IL4R: variants seen among roughly 807,000 people sequenced by gnomAD.
IL4R encodes the protein interleukin 4 receptor.
IL4R carries 17 observed loss-of-function variants against 41.5 expected under a neutral mutation model. That is an observed-to-expected ratio of 0.41 (90% CI 0.28 to 0.61). The LOEUF (loss-of-function observed/expected upper bound fraction) is 0.61, where lower values mean the gene tolerates loss of function less well. IL4R is among the 20% of genes least tolerant of loss of function. IL4R has a pLI of 0.31. For missense variants in IL4R, 974 were observed against 1,043.1 expected (o/e 0.93, Z 0.91); for synonymous variants, 402 against 422.9 (o/e 0.95, Z 0.61).
chr16:27,346,701 G>A, intron 6 of IL4R, 83 bp downstream of exon 6: 1 of 1,464,830 alleles, frequency 6.8e-7, no homozygotes, highest in Non-Finnish European at 9.4e-7. Flanking sequence ...CCTGGAGCCA[G>A]GAGCCTGGGA....
intron 2 of IL4R, among the ~76,000 whole-genome samples, chr16:27,331,654 A>G (rs955146800): frequency 6.6e-6 from 1 of 152,070 alleles, no homozygotes; most frequent in East Asian, 1.9e-4. Flanking sequence ...AGGGATGCCA[A>G]GTTGTGGTTG....
chr16:27,356,658 G>A (rs1344651098), intron 8 of IL4R, among the ~76,000 whole-genome samples: 1 of 152,118 alleles, frequency 6.6e-6, no homozygotes, highest in Non-Finnish European at 1.5e-5. Context: ...AACGCTGGGT[G>A]CCTGGGCAAC....
chr16:27,336,811 G>T (rs1279550047), intron 2 of IL4R, among the ~76,000 whole-genome samples: 1 of 151,904 alleles, frequency 6.6e-6, no homozygotes, highest in African/African-American at 2.4e-5. Context: ...GGGCTCAGTG[G>T]CTCACGCCTG....
intron 1 of IL4R, chr16:27,318,811 G>T (rs910624870): frequency 3.9e-5 from 6 of 152,354 alleles, no homozygotes; most frequent in African/African-American, 1.4e-4. Flanking sequence ...CCTTCCAAGG[G>T]TTTGGTGGAA....
Position 27,363,797 on chromosome 16 carries a change from C to G in IL4R, c.2445C>G (p.Val815=). The G allele has an allele frequency of 6.2e-7, 1 of 1,607,176 alleles. No individual in the cohort carries two copies. Among genetic ancestry groups the G allele is most frequent in the Non-Finnish European group, 8.5e-7 (1 of 1,179,946 alleles). Residue 815 remains valine (V), a synonymous_variant, in exon 11 of 11, where the codon GTC becomes GTG. Coordinates refer to ENST00000395762, the MANE Select transcript of IL4R (RefSeq NM_000418.4). ...SSQTPKIVNF[V]SVGPTYMRVS is the part of the protein sequence containing the mutation. ...AGACCCCCAAAATCGTGAACTTTGT[C>G]TCCGTGGGACCCACATACATGAGGG...
intron 1 of IL4R, among the ~76,000 whole-genome samples, chr16:27,329,241 G>A (rs897112399): frequency 2.0e-5 from 3 of 152,006 alleles, no homozygotes; most frequent in Middle Eastern, 3.2e-3. Flanking sequence ...AAGTAGATAC[G>A]GGTGCTATGC....
At chr16:27,354,931 A>G (rs529399479) in intron 7 of IL4R, 1 of 434,492 alleles carries the variant, frequency 2.3e-6, no homozygotes, top group Non-Finnish European at 5.0e-6. Context: ...AAAGTTTTGA[A>G]TTGATTCTCA....
At position 27,361,636 on chromosome 16, in the gene IL4R, C is replaced by T. The variant is rs114295158; in HGVS notation, c.900-616C>T. On this transcript the variant is annotated intron_variant, in intron 10 of 10. Transcript: ENST00000395762. ...TTTTTTTTTTTTTTTTTTTTTTGGACGCAGGGTCTTGCTGTGTCCCTCAGG... is the reference window on the plus strand; with the variant it reads ...TTTTTTTTTTTTTTTTTTTTTTGGATGCAGGGTCTTGCTGTGTCCCTCAGG... Among the ~76,000 whole-genome samples the T allele has an allele frequency of 4.1e-3, 538 of 132,496 alleles. 4 individuals carry two copies. The highest frequency in any genetic ancestry group is 0.014 in the African/African-American group (514 of 35,774). The allele number at this position is 132,496 out of a possible 152,430, so 86.9% of individuals were successfully genotyped here.
intron 2 of IL4R, among the ~76,000 whole-genome samples, chr16:27,337,448 C>A (rs1014070111): frequency 3.3e-5 from 5 of 152,148 alleles, no homozygotes; most frequent in African/African-American, 9.7e-5. Flanking sequence ...ACTAGCAGAA[C>A]AAAGCCTGGG....
intron 1 of IL4R, among the ~76,000 whole-genome samples, chr16:27,325,147 C>G (rs2084922682): frequency 1.3e-5 from 2 of 150,882 alleles, no homozygotes; most frequent in South Asian, 4.1e-4. Flanking sequence ...GCCATCCCAG[C>G]CAGTCCTTCT....
At chr16:27,313,832 G>GGCCGGGCGC (rs1467216595), upstream of IL4R, 36 of 825,244 alleles carry the variant, frequency 4.4e-5, no homozygotes, top group African/African-American at 6.1e-4. Context: ...CCGGGACCCG[G>GGCCGGGCGC]GCCGGGCGCG....
Position 27,363,351 on chromosome 16 carries a change from A to G in IL4R, c.1999A>G (p.Ser667Gly). The change falls in exon 11 of 11, where the codon AGC becomes GGC. Residue 667 changes from serine to glycine, a missense_variant. This residue lies in a region of IL4R where 682 missense variants were observed against 704.3 expected (regional missense o/e 0.97). Transcript: ENST00000395762. ...LDREPPRSPQ[S>G]SHLPSSSPEH... ...CAGGGAGCCACCTCGCAGTCCGCAG[A>G]GCTCACATCTCCCAAGCAGCTCCCC... 2 of 1,614,040 alleles carry G rather than the reference A, an allele frequency of 1.2e-6. No individual in the cohort carries two copies. Among genetic ancestry groups the G allele is most frequent in the Non-Finnish European group, 1.7e-6 (2 of 1,179,990 alleles).
intron 6 of IL4R, 139 bp from the exon 7 acceptor site, chr16:27,352,401 G>A (rs914128418): frequency 6.1e-6 from 4 of 659,914 alleles, no homozygotes; most frequent in Non-Finnish European, 1.1e-5. Context: ...GCAAGCAATG[G>A]CCTGAACAGG....
chr16:27,355,262 T>C, intron 7 of IL4R: 1 of 275,442 alleles, frequency 3.6e-6, no homozygotes, highest in South Asian at 3.2e-5. Flanking sequence ...GTAGGGAGGG[T>C]GTCGGGGAAA....
intron 6 of IL4R, among the ~76,000 whole-genome samples, chr16:27,347,264 C>T (rs1161564526): frequency 2.0e-5 from 3 of 152,172 alleles, no homozygotes; most frequent in African/African-American, 7.2e-5. Flanking sequence ...GATCTTGGCT[C>T]ACTGCAACCT....
chr16:27,327,295 C>T (rs1596768091), intron 1 of IL4R, among the ~76,000 whole-genome samples: 2 of 152,262 alleles, frequency 1.3e-5, no homozygotes, highest in Non-Finnish European at 1.5e-5. Context: ...GCCCCCTGTG[C>T]GCCCCCAGTC....
chr16:27,342,790 G>A (rs760350258), intron 4 of IL4R, among the ~76,000 whole-genome samples: 70 of 152,078 alleles, frequency 4.6e-4, no homozygotes, highest in Non-Finnish European at 8.2e-4. Flanking sequence ...CGCTGTATCC[G>A]GCCCAAAATG....
Position 27,363,306 on chromosome 16 carries a change from T to A in IL4R, c.1954T>A (p.Leu652Met). 6.2e-7 allele frequency: 1 copy of A among 1,610,288 alleles called. No individual in the cohort carries two copies. ...GGACCCTGCCCCAGTCCCTGTCCCC[T>A]TGTTCACCTTTGGACTGGACAGGGA... is the stretch of plus-strand genomic sequence containing the variant. ...PGDPAPVPVPLFTFGLDREPP... is the reference protein window; with the variant it reads ...PGDPAPVPVPMFTFGLDREPP... The change falls in exon 11 of 11, where the codon TTG becomes ATG. Residue 652 changes from leucine to methionine, a missense_variant. By Grantham distance (15) the Leu-to-Met change is conservative. This residue lies in a region of IL4R where 682 missense variants were observed against 704.3 expected (regional missense o/e 0.97). Transcript: ENST00000395762.
intron 2 of IL4R, 46 bp from the exon 3 acceptor site, chr16:27,340,140 G>A: frequency 7.7e-7 from 1 of 1,295,382 alleles, no homozygotes; most frequent in South Asian, 1.2e-5. Flanking sequence ...GATGAGCTCT[G>A]CTGGAAGCAC....
Sources: allele counts gnomAD v4.1 joint callset (sites outside exome capture counted in the v4.1 genomes callset), GRCh38; gene constraint gnomAD v4.1.1; regional missense constraint gnomAD v4.1.1; transcripts MANE v1.5; gene names NCBI Gene and HGNC (gene_info 2026-07-23, HGNC 2026-07-21).